Variants in ARMC2 observed in about 807,000 individuals in gnomAD.
The protein encoded by ARMC2 is armadillo repeat containing 2, also known as armadillo repeat-containing protein 2.
Under a neutral mutation model 90.3 loss-of-function variants are expected in ARMC2, and 67 were observed. The ratio of observed to expected loss-of-function variants is 0.74; its 90% CI spans 0.61 to 0.91. The LOEUF is 0.91. Ranked by LOEUF, ARMC2 falls within the 40% of genes least tolerant of loss-of-function variation. The probability of loss-of-function intolerance (pLI) is 0.00; values close to 1 mark genes in which losing one functional copy is unlikely to be tolerated. For synonymous variants in ARMC2, 393 were observed against 393.0 expected (o/e 1.00, Z 0.00); for missense variants, 920 against 1,030.9 (o/e 0.89, Z 1.47).
chr6:108,870,590 A>G (rs971652373), intron 4 of ARMC2, among the ~76,000 whole-genome samples: 8 of 151,854 alleles, frequency 5.3e-5, no homozygotes, highest in Non-Finnish European at 1.0e-4. Flanking sequence ...GAAAGGAAAG[A>G]AAAAAGGAAA....
chr6:108,926,949 GT>G (rs1425760128), intron 10 of ARMC2, among the ~76,000 whole-genome samples: 3 of 136,914 alleles, frequency 2.2e-5, no homozygotes, highest in South Asian at 2.3e-4. Flanking sequence ...CATTTTCTGT[GT>G]TTTCAGGGTA....
intron 8 of ARMC2, chr6:108,907,842 TC>T: frequency 6.2e-7 from 1 of 1,611,232 alleles, no homozygotes. Context: ...TCCAGAAGTT[TC>T]TTGTCCTTCA....
the ARMC2 span, among the ~76,000 whole-genome samples, chr6:109,024,042 T>C: frequency 6.6e-6 from 1 of 152,194 alleles, no homozygotes; most frequent in Non-Finnish European, 1.5e-5. Context: ...AAAATAGATG[T>C]TGACTATTGA....
At chr6:108,861,892 G>T (rs947677445) in intron 3 of ARMC2, among the ~76,000 whole-genome samples, 7 of 152,172 alleles carry the variant, frequency 4.6e-5, no homozygotes, top group African/African-American at 1.7e-4. Flanking sequence ...CCCTTAAAAA[G>T]AATCTCATTT....
At chr6:108,895,828 C>A (rs1368426094) in intron 6 of ARMC2, among the ~76,000 whole-genome samples, 1 of 152,108 alleles carries the variant, frequency 6.6e-6, no homozygotes, top group Non-Finnish European at 1.5e-5. Flanking sequence ...ATGGTGGTAA[C>A]CCCTAGAGGG....
At chr6:109,000,089 AC>A in the ARMC2 span, 1 of 153,578 alleles carries the variant, frequency 6.5e-6, no homozygotes, top group Non-Finnish European at 1.4e-5. Context: ...AAAAGGCAAA[AC>A]TATATAGAAA....
the ARMC2 span, among the ~76,000 whole-genome samples, chr6:109,021,186 G>A: frequency 6.6e-6 from 1 of 151,998 alleles, no homozygotes; most frequent in African/African-American, 2.4e-5. Flanking sequence ...TACAGATGGG[G>A]TCTTGTTATG....
intron 12 of ARMC2, among the ~76,000 whole-genome samples, chr6:108,940,375 T>C (rs576396552): frequency 6.6e-6 from 1 of 152,156 alleles, no homozygotes; most frequent in South Asian, 2.1e-4. Context: ...GGCACCCAAG[T>C]GGAACTTCTG....
In ARMC2 at chr6:108,912,400, A is replaced by G. The variant is rs571304907; in HGVS notation, c.1192A>G (p.Met398Val). 1 of 1,613,770 alleles carries G rather than the reference A, an allele frequency of 6.2e-7. No homozygotes were observed. The highest frequency in any genetic ancestry group is 8.5e-7 in the Non-Finnish European group (1 of 1,179,814). ...QTNMEAFLYC[M>V]GSIKFISGNL... Reference sequence around the variant, plus strand: ...TAACATGGAAGCTTTTTTATACTGTATGGGGTCTATAAAGTTCATTTCTGG... The same window carrying G: ...TAACATGGAAGCTTTTTTATACTGTGTGGGGTCTATAAAGTTCATTTCTGG... The change falls in exon 10 of 18, where the codon ATG becomes GTG. Residue 398 changes from methionine to valine, a missense_variant. Physicochemically the swap from Met to Val is conservative, Grantham distance 21. Coordinates refer to ENST00000392644, the MANE Select transcript of ARMC2 (RefSeq NM_032131.6).
chr6:108,897,790 A>T (rs1202975379), intron 6 of ARMC2, among the ~76,000 whole-genome samples: 1 of 152,144 alleles, frequency 6.6e-6, no homozygotes, highest in Non-Finnish European at 1.5e-5. Context: ...ATATGCCATT[A>T]TGTGTTATCT....
chr6:109,047,598 C>A, the ARMC2 span, among the ~76,000 whole-genome samples: 1 of 144,238 alleles, frequency 6.9e-6, no homozygotes, highest in African/African-American at 2.5e-5. Context: ...GAGGTGTGCC[C>A]AACAGCTCAT....
chr6:108,860,203 CTG>C (rs1253678660), intron 3 of ARMC2, among the ~76,000 whole-genome samples: 1 of 151,462 alleles, frequency 6.6e-6, no homozygotes, highest in Non-Finnish European at 1.5e-5. Flanking sequence ...GTATAGTAGT[CTG>C]TTCTTATTTC....
chr6:108,983,405 G>A, the ARMC2 span, among the ~76,000 whole-genome samples: 1 of 152,090 alleles, frequency 6.6e-6, no homozygotes. Context: ...ACAGTTGTCA[G>A]TCTTACATTT....
chr6:108,924,336 G>A lies in ARMC2; in HGVS notation c.1351-3752G>A, dbSNP rs548892898. ...AGTTCAAGACCAGCCTGGCCAACAT[G>A]GCAAAACCCTGTCTCTACTAAAAAT... On this transcript the variant is annotated intron_variant, in intron 10 of 17. Transcript: ENST00000392644. Among the ~76,000 whole-genome samples, 6 of 152,272 alleles carry A rather than the reference G, an allele frequency of 3.9e-5. No homozygotes were observed. In the East Asian group the frequency reaches 1.2e-3, roughly 29 times the overall value.
At chr6:108,903,390 T>C (rs1160905082) in intron 7 of ARMC2, among the ~76,000 whole-genome samples, 3 of 152,076 alleles carry the variant, frequency 2.0e-5, no homozygotes, top group Non-Finnish European at 4.4e-5. Flanking sequence ...ACAAAAATAT[T>C]TTTATTCTCC....
the ARMC2 span, chr6:109,009,249 C>T: frequency 2.2e-5 from 23 of 1,047,184 alleles, no homozygotes; most frequent in Admixed American, 8.3e-5. Context: ...GGATGCTGAC[C>T]GGGAGCGACT....
At chr6:108,907,064 G>T (rs1292439205) in intron 8 of ARMC2, among the ~76,000 whole-genome samples, 1 of 152,194 alleles carries the variant, frequency 6.6e-6, no homozygotes, top group African/African-American at 2.4e-5. Flanking sequence ...GTACAAATTT[G>T]CACTGACTGT....
At chr6:108,964,633 G>A (rs1233485750) in intron 16 of ARMC2, among the ~76,000 whole-genome samples, 7 of 152,144 alleles carry the variant, frequency 4.6e-5, no homozygotes, top group Non-Finnish European at 8.8e-5. Flanking sequence ...AATTAGCCAG[G>A]CGTTGTGGCA....
At chr6:109,050,304 A>T in the ARMC2 span, among the ~76,000 whole-genome samples, 18 of 152,086 alleles carry the variant, frequency 1.2e-4, no homozygotes, top group African/African-American at 4.3e-4. Context: ...GCCATTAAGT[A>T]GCAGTCAAAA....
Sources: allele counts gnomAD v4.1 joint callset (sites outside exome capture counted in the v4.1 genomes callset), GRCh38; gene constraint gnomAD v4.1.1; transcripts MANE v1.5; gene names NCBI Gene and HGNC (gene_info 2026-07-23, HGNC 2026-07-21).